DPP10: variants seen among roughly 807,000 people sequenced by gnomAD.
DPP10 encodes the protein inactive dipeptidyl peptidase 10.
Under a neutral mutation model 120.9 loss-of-function variants are expected in DPP10, and 33 were observed. The observed-to-expected ratio is 0.27, with a 90% CI of 0.21 to 0.37. DPP10 has a LOEUF of 0.37. DPP10 is among the 10% of genes least tolerant of loss of function. DPP10 has a pLI of 1.00. For missense variants in DPP10, 816 were observed against 942.8 expected, an observed-to-expected ratio of 0.87 and a Z score of 1.76; for synonymous variants, 337 against 326.1, an observed-to-expected ratio of 1.03 and a Z score of -0.36.
At chr2:115,689,647 G>A in intron 5 of DPP10, 40 bp from the exon 6 acceptor site, 1 of 1,275,034 alleles carries the variant, frequency 7.8e-7, no homozygotes, top group Non-Finnish European at 1.1e-6. Context: ...TTCACATTAA[G>A]ATAAAGCTAT....
intron 1 of DPP10, among the ~76,000 whole-genome samples, chr2:114,762,042 C>T (rs114704238): frequency 0.015 from 2,353 of 152,190 alleles, 78 homozygotes; most frequent in African/African-American, 0.054. Flanking sequence ...ATTCACTCTC[C>T]CCCGTCTAAG....
chr2:115,437,891 TA>T (rs1214311527), intron 3 of DPP10, among the ~76,000 whole-genome samples: 4 of 152,160 alleles, frequency 2.6e-5, no homozygotes, highest in Non-Finnish European at 4.4e-5. Context: ...ATTTCTTTTG[TA>T]ACATATGTCT....
chr2:115,581,763 C>T (rs2082015059), intron 5 of DPP10, among the ~76,000 whole-genome samples: 1 of 152,044 alleles, frequency 6.6e-6, no homozygotes, highest in South Asian at 2.1e-4. Context: ...TTATAGTCCC[C>T]AAACCTGACT....
chr2:115,195,795 G>A (rs943530226), intron 1 of DPP10, among the ~76,000 whole-genome samples: 2 of 151,802 alleles, frequency 1.3e-5, no homozygotes, highest in Non-Finnish European at 2.9e-5. Context: ...ATTGTATTTC[G>A]GGACACTCTT....
chr2:115,399,337 C>A (rs1280925024), intron 3 of DPP10, among the ~76,000 whole-genome samples: 2 of 152,112 alleles, frequency 1.3e-5, no homozygotes, highest in African/African-American at 4.8e-5. Context: ...CAACAACACA[C>A]AATAATAATA....
chr2:115,207,575 G>A (rs1041490752), intron 1 of DPP10, among the ~76,000 whole-genome samples: 6 of 152,058 alleles, frequency 3.9e-5, no homozygotes, highest in Admixed American at 2.6e-4. Flanking sequence ...TGTATCACAC[G>A]TAGATGGGAA....
intron 1 of DPP10, among the ~76,000 whole-genome samples, chr2:115,211,984 T>C (rs955725709): frequency 2.6e-5 from 4 of 152,192 alleles, no homozygotes; most frequent in Admixed American, 6.5e-5. Context: ...TTGAGTTGAC[T>C]GTGCATTCAG....
chr2:114,487,109 C>T (rs1040914576), intron 1 of DPP10, among the ~76,000 whole-genome samples: 2 of 152,114 alleles, frequency 1.3e-5, no homozygotes, highest in African/African-American at 4.8e-5. Context: ...CATAACTAGC[C>T]TCTTGAACTC....
chr2:115,250,287 AC>A (rs1559313251), intron 1 of DPP10, among the ~76,000 whole-genome samples: 1 of 152,196 alleles, frequency 6.6e-6, no homozygotes. Context: ...AGATCAGTGA[AC>A]CCACTGCATG....
At chr2:115,096,437 A>G (rs575181091) in intron 1 of DPP10, among the ~76,000 whole-genome samples, 7 of 152,210 alleles carry the variant, frequency 4.6e-5, no homozygotes, top group Non-Finnish European at 7.3e-5. Context: ...TGATAAACAC[A>G]TAAATACTTA....
intron 9 of DPP10, 135 bp downstream of exon 9, chr2:115,740,028 T>G (rs1677060280): frequency 5.4e-6 from 5 of 924,494 alleles, no homozygotes; most frequent in Non-Finnish European, 5.0e-6. Context: ...GACTCATCAC[T>G]TTCGATCTCC....
At chr2:114,801,139 T>C in intron 1 of DPP10, among the ~76,000 whole-genome samples, 1 of 150,980 alleles carries the variant, frequency 6.6e-6, no homozygotes. Context: ...GGAGGGCGCC[T>C]GTAGTCCCAG....
At chr2:114,793,257 C>A (rs1683404809) in intron 1 of DPP10, among the ~76,000 whole-genome samples, 1 of 152,120 alleles carries the variant, frequency 6.6e-6, no homozygotes, top group Non-Finnish European at 1.5e-5. Flanking sequence ...ATCAACCTGT[C>A]ATCTACATTA....
intron 1 of DPP10, among the ~76,000 whole-genome samples, chr2:114,761,063 G>T (rs911650368): frequency 6.6e-6 from 1 of 152,110 alleles, no homozygotes; most frequent in Non-Finnish European, 1.5e-5. Context: ...CCGTGTTGCA[G>T]CTAAAACATT....
intron 3 of DPP10, among the ~76,000 whole-genome samples, chr2:115,402,842 G>GA (rs1553584302): frequency 2.6e-3 from 100 of 38,484 alleles, no homozygotes; most frequent in East Asian, 0.015. Flanking sequence ...ACACTACAAG[G>GA]AAAAAAAAAA....
intron 1 of DPP10, among the ~76,000 whole-genome samples, chr2:115,029,074 A>C (rs186140875): frequency 1.6e-4 from 24 of 152,162 alleles, no homozygotes; most frequent in Non-Finnish European, 2.4e-4. Flanking sequence ...TTGATGAATA[A>C]AGGCTTATTA....
intron 3 of DPP10, among the ~76,000 whole-genome samples, chr2:115,491,530 C>T (rs1445782250): frequency 1.3e-5 from 2 of 151,696 alleles, no homozygotes; most frequent in Non-Finnish European, 2.9e-5. Flanking sequence ...TTATGGTGGG[C>T]TGGAATGTCT....
intron 3 of DPP10, among the ~76,000 whole-genome samples, chr2:115,467,581 A>T (rs1243173579): frequency 1.3e-5 from 2 of 149,136 alleles, no homozygotes; most frequent in Admixed American, 6.7e-5. Context: ...TGACTCAAAG[A>T]AAAAAAAAAG....
chr2:115,666,421 C>T (rs188727940), intron 5 of DPP10, among the ~76,000 whole-genome samples: 65 of 152,250 alleles, frequency 4.3e-4, no homozygotes, highest in African/African-American at 1.4e-3. Flanking sequence ...ATCACGAGAA[C>T]ATCATGGAAG....
Sources: allele counts gnomAD v4.1 joint callset (sites outside exome capture counted in the v4.1 genomes callset), GRCh38; gene constraint gnomAD v4.1.1; transcripts MANE v1.5; gene names NCBI Gene and HGNC (gene_info 2026-07-23, HGNC 2026-07-21).